The following GUCY1A2 variants were observed in gnomAD, a reference collection of about 807,000 sequenced individuals.
GUCY1A2 encodes guanylate cyclase 1 soluble subunit alpha 2.
GUCY1A2 carries 27 observed loss-of-function variants against 63.5 expected under a neutral mutation model. That is an observed-to-expected ratio of 0.43 (90% CI 0.31 to 0.59). GUCY1A2 has a LOEUF of 0.59. Ranked by LOEUF, GUCY1A2 falls within the 20% of genes least tolerant of loss-of-function variation. GUCY1A2 has a pLI of 0.11. For synonymous variants in GUCY1A2, 364 were observed against 343.5 expected (o/e 1.06, Z -0.66); for missense variants, 768 against 913.3 (o/e 0.84, Z 2.05).
At chr11:106,707,713 T>A (rs77294809) in intron 7 of GUCY1A2, among the ~76,000 whole-genome samples, 2,254 of 152,124 alleles carry the variant, frequency 0.015, 59 homozygotes, top group African/African-American at 0.051. Flanking sequence ...AGAGACACAG[T>A]CGCTGCCCAT....
At chr11:106,725,259 G>A (rs1253363486) in intron 6 of GUCY1A2, among the ~76,000 whole-genome samples, 2 of 52,612 alleles carry the variant, frequency 3.8e-5, no homozygotes, top group African/African-American at 1.5e-4. Context: ...TGGAGGCTCC[G>A]CCTCCCGGGT....
At chr11:106,757,020 A>G (rs573115879) in intron 6 of GUCY1A2, among the ~76,000 whole-genome samples, 2 of 152,236 alleles carry the variant, frequency 1.3e-5, no homozygotes, top group East Asian at 1.9e-4. Flanking sequence ...TCATAGTCCC[A>G]TATTTCTTGA....
At chr11:106,833,607 G>A (rs1331371311) in intron 4 of GUCY1A2, among the ~76,000 whole-genome samples, 1 of 151,946 alleles carries the variant, frequency 6.6e-6, no homozygotes, top group African/African-American at 2.4e-5. Flanking sequence ...TAAGAGTAGC[G>A]ATTTCTATCT....
At chr11:107,015,655 A>C (rs1861813106) in intron 1 of GUCY1A2, among the ~76,000 whole-genome samples, 1 of 147,878 alleles carries the variant, frequency 6.8e-6, no homozygotes, top group Non-Finnish European at 1.5e-5. Flanking sequence ...TAGCAAAATC[A>C]TTTCATTAAA....
intron 6 of GUCY1A2, among the ~76,000 whole-genome samples, chr11:106,751,237 C>T (rs1863877095): frequency 6.6e-6 from 1 of 152,076 alleles, no homozygotes; most frequent in Non-Finnish European, 1.5e-5. Context: ...TCACTGAATT[C>T]TATAAGTAGT....
intron 6 of GUCY1A2, among the ~76,000 whole-genome samples, chr11:106,763,392 GA>G (rs1192095397): frequency 6.6e-6 from 1 of 151,986 alleles, no homozygotes; most frequent in East Asian, 1.9e-4. Flanking sequence ...AAACAGTATA[GA>G]AGGCAGAAAA....
intron 7 of GUCY1A2, among the ~76,000 whole-genome samples, chr11:106,705,069 CAAT>C (rs1862884780): frequency 6.6e-6 from 1 of 151,346 alleles, no homozygotes; most frequent in Admixed American, 6.6e-5. Context: ...ACTTAAAACT[CAAT>C]AAAAATTTCT....
At chr11:106,952,801 G>A (rs911757762) in intron 3 of GUCY1A2, among the ~76,000 whole-genome samples, 4 of 151,920 alleles carry the variant, frequency 2.6e-5, no homozygotes, top group African/African-American at 9.7e-5. Flanking sequence ...TACCACACCT[G>A]GCTAATTTTT....
chr11:106,837,420 G>A (rs572582401), intron 4 of GUCY1A2, among the ~76,000 whole-genome samples: 3 of 151,992 alleles, frequency 2.0e-5, no homozygotes, highest in African/African-American at 7.2e-5. Flanking sequence ...TTGATTCCAT[G>A]TCTTTGCTGT....
intron 1 of GUCY1A2, 118 bp downstream of exon 1, chr11:107,017,635 G>T: frequency 2.0e-6 from 1 of 492,266 alleles, no homozygotes; most frequent in Non-Finnish European, 3.2e-6. Flanking sequence ...TGCAGGGTAA[G>T]GCCGGGCCGC....
chr11:106,750,653 TAAGA>T (rs1863866415), intron 6 of GUCY1A2, among the ~76,000 whole-genome samples: 1 of 152,010 alleles, frequency 6.6e-6, no homozygotes, highest in African/African-American at 2.4e-5. Context: ...GGTTTCTAAA[TAAGA>T]AAGATATTTG....
At chr11:106,882,265 A>G (rs1370572596) in intron 4 of GUCY1A2, among the ~76,000 whole-genome samples, 1 of 152,032 alleles carries the variant, frequency 6.6e-6, no homozygotes, top group East Asian at 1.9e-4. Context: ...CATAATTTGT[A>G]GAGATGTGGA....
At chr11:106,728,028 G>A (rs1367763783) in intron 6 of GUCY1A2, among the ~76,000 whole-genome samples, 6 of 152,146 alleles carry the variant, frequency 3.9e-5, no homozygotes, top group Admixed American at 3.3e-4. Context: ...AAGTCATAAT[G>A]CCTAATGGCC....
chr11:106,788,456 C>G (rs533924274), intron 5 of GUCY1A2, among the ~76,000 whole-genome samples: 18 of 152,224 alleles, frequency 1.2e-4, no homozygotes, highest in African/African-American at 4.3e-4. Flanking sequence ...CTCAAGAAAT[C>G]TGCCCACTCC....
At chr11:106,946,197 A>G (rs796943123) in intron 3 of GUCY1A2, among the ~76,000 whole-genome samples, 58 of 152,286 alleles carry the variant, frequency 3.8e-4, no homozygotes, top group African/African-American at 1.3e-3. Flanking sequence ...AAAGAAAATA[A>G]TTGATATTTT....
intron 4 of GUCY1A2, among the ~76,000 whole-genome samples, chr11:106,911,809 T>G (rs4237578): frequency 0.9 from 136,243 of 152,006 alleles, 61,145 homozygotes; most frequent in East Asian, 1. Context: ...TTTGTATTTA[T>G]CTTGAGAATT....
intron 4 of GUCY1A2, among the ~76,000 whole-genome samples, chr11:106,926,363 G>A (rs1860521596): frequency 6.6e-6 from 1 of 151,312 alleles, no homozygotes; most frequent in Non-Finnish European, 1.5e-5. Flanking sequence ...GCTTGAACCT[G>A]AGAGGTATAG....
chr11:107,005,580 A>G (rs1861660996), intron 1 of GUCY1A2, among the ~76,000 whole-genome samples: 1 of 152,204 alleles, frequency 6.6e-6, no homozygotes, highest in African/African-American at 2.4e-5. Context: ...AAATACAAAA[A>G]TGACAATGTA....
At chr11:106,780,524 C>G (rs544079350) in intron 5 of GUCY1A2, among the ~76,000 whole-genome samples, 1 of 152,150 alleles carries the variant, frequency 6.6e-6, no homozygotes, top group Non-Finnish European at 1.5e-5. Context: ...AGAACCTCCA[C>G]GTCGGGAACT....
Sources: gnomAD v4.1 joint callset for allele counts (sites outside exome capture counted in the v4.1 genomes callset) on GRCh38, gnomAD v4.1.1 for gene constraint, MANE v1.5 for transcripts, NCBI Gene and HGNC (gene_info 2026-07-23, HGNC 2026-07-21) for gene names.